BMP2K: variants seen among roughly 807,000 people sequenced by gnomAD.
The protein encoded by BMP2K is BMP2 inducible kinase.
BMP2K carries 74 observed loss-of-function variants against 116.0 expected under a neutral mutation model. The observed-to-expected ratio is 0.64, with a 90% confidence interval of 0.53 to 0.77. The LOEUF (loss-of-function observed/expected upper bound fraction) is 0.77. Ranked by LOEUF, BMP2K falls within the 30% of genes least tolerant of loss-of-function variation. BMP2K has a pLI of 0.00. For synonymous variants in BMP2K, 486 were observed against 502.5 expected, an observed-to-expected ratio of 0.97 and a Z score of 0.44; for missense variants, 1,365 against 1,403.6, an observed-to-expected ratio of 0.97 and a Z score of 0.44.
chr4:78,788,034 ATAC>A (rs1401226903), intron 1 of BMP2K, among the ~76,000 whole-genome samples: 1 of 152,082 alleles, frequency 6.6e-6, no homozygotes, highest in Non-Finnish European at 1.5e-5. Context: ...AATCATAAAG[ATAC>A]TACTACTAAA....
chr4:78,803,802 C>G (rs1301022469), intron 1 of BMP2K, among the ~76,000 whole-genome samples: 1 of 152,098 alleles, frequency 6.6e-6, no homozygotes. Context: ...AGTTATGAAC[C>G]TAAGAGCATA....
chr4:78,873,662 GT>G, intron 13 of BMP2K, among the ~76,000 whole-genome samples: 1 of 38,786 alleles, frequency 2.6e-5, no homozygotes, highest in African/African-American at 1.0e-3. Flanking sequence ...CAACCTCTGT[GT>G]GTGTGTGTGT....
intron 7 of BMP2K, among the ~76,000 whole-genome samples, chr4:78,852,114 G>T (rs1731281218): frequency 6.6e-6 from 1 of 152,052 alleles, no homozygotes; most frequent in African/African-American, 2.4e-5. Context: ...GCTTACAGTA[G>T]TAGGATCTTA....
chr4:78,882,034 G>A (rs1247645509), intron 14 of BMP2K, among the ~76,000 whole-genome samples: 1 of 151,818 alleles, frequency 6.6e-6, no homozygotes, highest in Non-Finnish European at 1.5e-5. Context: ...AAAAGTATAG[G>A]TATTGCCAAT....
chr4:78,844,166 T>G (rs1730890466), intron 4 of BMP2K, among the ~76,000 whole-genome samples: 1 of 151,776 alleles, frequency 6.6e-6, no homozygotes, highest in Non-Finnish European at 1.5e-5. Flanking sequence ...CTTTACATAT[T>G]TTAACTCATT....
chr4:78,847,319 A>C (rs372233989), intron 6 of BMP2K, 50 bp downstream of exon 6: 3 of 1,395,556 alleles, frequency 2.1e-6, no homozygotes, highest in Non-Finnish European at 2.9e-6. Flanking sequence ...AAAAAATCTG[A>C]GTTCAGTTTA....
chr4:78,845,062 C>A lies in BMP2K; in HGVS notation c.668+13C>A. 6.4e-7 allele frequency: 1 copy of A among 1,551,234 alleles called. No homozygotes were observed. Among genetic ancestry groups the A allele is most frequent in the Non-Finnish European group, 8.8e-7 (1 of 1,130,174 alleles). ...AAGAAATTAAAAAGTAAGTATTTGT[C>A]TTTATTGCACTTTTGTCATGGTAAT... On this transcript the variant is annotated intron_variant, in intron 5 of 15. Transcript: ENST00000502613.
intron 1 of BMP2K, among the ~76,000 whole-genome samples, chr4:78,790,981 C>T (rs1727969011): frequency 2.0e-5 from 3 of 152,062 alleles, no homozygotes; most frequent in Admixed American, 2.0e-4. Context: ...AGCCCCTGGC[C>T]ATCTTTTCTC....
chr4:78,814,663 GC>G (rs1729246224), intron 1 of BMP2K, among the ~76,000 whole-genome samples: 1 of 152,004 alleles, frequency 6.6e-6, no homozygotes, highest in South Asian at 2.1e-4. Context: ...GGCCTCTCCA[GC>G]CATGATGAAC....
At chr4:78,859,367 AGCTGT>A in intron 7 of BMP2K, 16 of 374,692 alleles carry the variant, frequency 4.3e-5, no homozygotes, top group South Asian at 3.5e-4. Flanking sequence ...TCTAGTGTAG[AGCTGT>A]TCTGTGATTG....
chr4:78,840,692 T>A (rs1361644121), intron 3 of BMP2K, among the ~76,000 whole-genome samples: 1 of 152,176 alleles, frequency 6.6e-6, no homozygotes, highest in Non-Finnish European at 1.5e-5. Context: ...AATGAAATTT[T>A]ATTTATTTCA....
intron 1 of BMP2K, among the ~76,000 whole-genome samples, chr4:78,796,496 C>A (rs1159349750): frequency 6.6e-6 from 1 of 151,882 alleles, no homozygotes; most frequent in Admixed American, 6.6e-5. Flanking sequence ...TGTAACTAAC[C>A]TGCACAATGT....
chr4:78,904,451 T>G (rs1017100925), intron 15 of BMP2K, among the ~76,000 whole-genome samples: 1 of 151,944 alleles, frequency 6.6e-6, no homozygotes, highest in Admixed American at 6.6e-5. Context: ...TGCTCAGACA[T>G]TTTTTGCAAT....
chr4:78,851,112 C>T, intron 7 of BMP2K, 56 bp downstream of exon 7: 2 of 1,426,400 alleles, frequency 1.4e-6, no homozygotes, highest in East Asian at 2.6e-5. Context: ...TTAGGGCCTA[C>T]TATTTACATT....
intron 15 of BMP2K, among the ~76,000 whole-genome samples, chr4:78,900,260 ATTAG>A (rs1733926710): frequency 1.3e-5 from 2 of 152,194 alleles, no homozygotes; most frequent in Non-Finnish European, 2.9e-5. Flanking sequence ...AAAATATGTT[ATTAG>A]TTGATTATGT....
chr4:78,888,860 A>G (rs1463705652), intron 15 of BMP2K, among the ~76,000 whole-genome samples: 1 of 152,202 alleles, frequency 6.6e-6, no homozygotes, highest in African/African-American at 2.4e-5. Context: ...TTGAATGTGC[A>G]GAAAAAAATC....
intron 1 of BMP2K, among the ~76,000 whole-genome samples, chr4:78,798,406 A>G (rs1434363263): frequency 6.6e-6 from 1 of 152,248 alleles, no homozygotes; most frequent in Non-Finnish European, 1.5e-5. Context: ...GAAAAGTTAT[A>G]GAAATACATA....
In BMP2K at chr4:78,859,574, A is replaced by G. The variant is rs757724926; in HGVS notation, c.884-10A>G. On this transcript the variant is annotated splice_polypyrimidine_tract_variant and intron_variant, in intron 7 of 15. Coordinates refer to ENST00000502613, the MANE Select transcript of BMP2K (RefSeq NM_198892.2). ...ATAAAACTTCTTAACATTTTGATCT[A>G]TTCTTGCAGGGTTCATGCTTGAACC... The G allele has an allele frequency of 2.5e-6, 4 of 1,584,048 alleles. No homozygotes were observed. Among genetic ancestry groups the G allele is most frequent in the Non-Finnish European group, 3.4e-6 (4 of 1,159,694 alleles).
At chr4:78,808,659 T>C (rs1728939897) in intron 1 of BMP2K, among the ~76,000 whole-genome samples, 1 of 152,254 alleles carries the variant, frequency 6.6e-6, no homozygotes, top group Admixed American at 6.5e-5. Context: ...TGCTGTTTTT[T>C]AAATTTTGAT....
Sources: allele counts gnomAD v4.1 joint callset (sites outside exome capture counted in the v4.1 genomes callset), GRCh38; gene constraint gnomAD v4.1.1; transcripts MANE v1.5; gene names NCBI Gene and HGNC (gene_info 2026-07-23, HGNC 2026-07-21).